The following CRPPA variants were observed in gnomAD, a reference collection of about 807,000 sequenced individuals.
CRPPA encodes D-ribitol-5-phosphate cytidylyltransferase.
Under a neutral mutation model 52.0 loss-of-function variants are expected in CRPPA, and 43 were observed. The observed-to-expected ratio is 0.83, with a 90% confidence interval of 0.65 to 1.07. The LOEUF is 1.07. Ranked by LOEUF, CRPPA falls within the 50% of genes least tolerant of loss-of-function variation. The pLI, the probability that CRPPA is intolerant of heterozygous loss-of-function variation, is 0.00. For missense variants in CRPPA, 629 were observed against 551.7 expected (o/e 1.14, Z -1.40); for synonymous variants, 250 against 203.5 (o/e 1.23, Z -1.94).
chr7:16,103,813 C>A (rs912531217), intron 9 of CRPPA, among the ~76,000 whole-genome samples: 1 of 152,076 alleles, frequency 6.6e-6, no homozygotes, highest in Non-Finnish European at 1.5e-5. Flanking sequence ...AAAGCTTATC[C>A]TAGAGTTACT....
At chr7:16,389,922 A>ATATATATATATATATATAT (rs1163713598) in intron 2 of CRPPA, among the ~76,000 whole-genome samples, 4 of 62,262 alleles carry the variant, frequency 6.4e-5, no homozygotes, top group Non-Finnish European at 1.2e-4. Context: ...ACAAAAAAAA[A>ATATATATATATATATATAT]AAAAAAATAT....
At chr7:16,339,951 AC>A (rs1389197836) in intron 3 of CRPPA, among the ~76,000 whole-genome samples, 3 of 152,100 alleles carry the variant, frequency 2.0e-5, no homozygotes, top group Admixed American at 2.0e-4. Context: ...CCAGAAATAG[AC>A]CCATATGAAT....
At chr7:16,138,657 T>C (rs968407207) in intron 9 of CRPPA, among the ~76,000 whole-genome samples, 3 of 152,220 alleles carry the variant, frequency 2.0e-5, no homozygotes, top group Admixed American at 1.3e-4. Context: ...TAAAAATGTC[T>C]ACATCTTATA....
Position 16,222,034 on chromosome 7 carries a change from T to A in CRPPA, c.1120-5837A>T, listed in dbSNP as rs1323477520. 7.4e-5 allele frequency among the ~76,000 whole-genome samples: 11 copies of A among 149,374 alleles called. No homozygotes were observed. In the South Asian group the frequency reaches 2.2e-3, roughly 30 times the overall value. On this transcript the variant is annotated intron_variant, in intron 8 of 9. Transcript: ENST00000407010. Reference sequence around the variant, plus strand: ...TGGCATTATTCACAATAGCAAAGACTTGGAACCAACCCAAATGTCCAACAA... The same window carrying A: ...TGGCATTATTCACAATAGCAAAGACATGGAACCAACCCAAATGTCCAACAA...
chr7:16,200,120 A>G (rs1359849102), intron 9 of CRPPA, among the ~76,000 whole-genome samples: 3 of 152,132 alleles, frequency 2.0e-5, no homozygotes, highest in Non-Finnish European at 4.4e-5. Context: ...GGCCTCCCAA[A>G]GTGCTGGAAT....
chr7:16,189,744 T>A (rs1781570782), intron 9 of CRPPA, among the ~76,000 whole-genome samples: 1 of 152,158 alleles, frequency 6.6e-6, no homozygotes, highest in African/African-American at 2.4e-5. Context: ...AGTTAGAGAC[T>A]AGCAGTAATC....
intron 9 of CRPPA, among the ~76,000 whole-genome samples, chr7:16,170,139 T>A (rs1781148823): frequency 1.3e-5 from 2 of 152,168 alleles, no homozygotes; most frequent in South Asian, 2.1e-4. Flanking sequence ...AGGATGTGAT[T>A]TTTTTTAATT....
At chr7:16,367,647 C>A (rs113839863) in intron 3 of CRPPA, among the ~76,000 whole-genome samples, 1 of 152,036 alleles carries the variant, frequency 6.6e-6, no homozygotes. Context: ...GTTGACAGTA[C>A]GAGATACAAG....
At chr7:16,141,250 C>T (rs1782864196) in intron 9 of CRPPA, among the ~76,000 whole-genome samples, 1 of 152,078 alleles carries the variant, frequency 6.6e-6, no homozygotes, top group African/African-American at 2.4e-5. Context: ...CTTCCTAAAT[C>T]CTTTATAGGA....
chr7:16,258,826 C>A, intron 7 of CRPPA, 94 bp downstream of exon 7: 1 of 714,616 alleles, frequency 1.4e-6, no homozygotes, highest in Non-Finnish European at 2.2e-6. Context: ...AAGAACTCAT[C>A]ATAATATCAT....
intron 9 of CRPPA, among the ~76,000 whole-genome samples, chr7:16,165,043 C>T (rs541536577): frequency 6.6e-6 from 1 of 152,178 alleles, no homozygotes; most frequent in Non-Finnish European, 1.5e-5. Flanking sequence ...GGGAGATCCG[C>T]TGCTACCTTC....
chr7:16,374,779 C>T (rs376684140), intron 3 of CRPPA, among the ~76,000 whole-genome samples: 17 of 152,094 alleles, frequency 1.1e-4, no homozygotes, highest in Admixed American at 5.2e-4. Context: ...GTGGAATCAC[C>T]CCCATCAGCA....
At chr7:16,251,372 T>C (rs1051580981) in intron 8 of CRPPA, among the ~76,000 whole-genome samples, 1 of 151,896 alleles carries the variant, frequency 6.6e-6, no homozygotes, top group African/African-American at 2.4e-5. Flanking sequence ...CTGATACAAA[T>C]GGACCTAATA....
chr7:16,418,279 A>G (rs115819635), intron 1 of CRPPA, among the ~76,000 whole-genome samples: 202 of 152,358 alleles, frequency 1.3e-3, no homozygotes, highest in African/African-American at 4.7e-3. Context: ...TGAGCCATGA[A>G]GTATTTCAGA....
At chr7:16,352,608 T>C (rs144766971) in intron 3 of CRPPA, among the ~76,000 whole-genome samples, 143 of 152,198 alleles carry the variant, frequency 9.4e-4, no homozygotes, top group Middle Eastern at 3.4e-3. Flanking sequence ...TAAGAAGTAT[T>C]GGTGAGGATG....
chr7:16,366,756 T>A lies in CRPPA; in HGVS notation c.684+9336A>T, dbSNP rs532283316. 2.1e-3 allele frequency among the ~76,000 whole-genome samples: 301 copies of A among 143,860 alleles called. 2 individuals are homozygous for A. Among genetic ancestry groups the A allele is most frequent in the African/African-American group, 7.1e-3 (277 of 38,750 alleles). The allele number at this position is 143,860 out of a possible 152,430, so 94.4% of individuals were successfully genotyped here. On this transcript the variant is annotated intron_variant, in intron 3 of 9. Coordinates refer to ENST00000407010, the MANE Select transcript of CRPPA (RefSeq NM_001101426.4). ...TATATGAACCTACCTAGTAGAATAATTGAGAGAATTAAAAAAAAAAAGGCA... is the reference window on the plus strand; with the variant it reads ...TATATGAACCTACCTAGTAGAATAAATGAGAGAATTAAAAAAAAAAAGGCA...
In CRPPA at chr7:16,385,922, G is replaced by A. The variant is rs79085843; in HGVS notation, c.535-9681C>T. Reference sequence around the variant, plus strand: ...TTTTGGGCTCCAGCCGCACAGTAGCGTCTAGGGGTGGGTACCCATGACTCC... The same window carrying A: ...TTTTGGGCTCCAGCCGCACAGTAGCATCTAGGGGTGGGTACCCATGACTCC... On this transcript the variant is annotated intron_variant, in intron 2 of 9. Transcript: ENST00000407010. Among the ~76,000 whole-genome samples the A allele has an allele frequency of 1.9e-3, 283 of 152,236 alleles. 1 individual carries two copies. The highest frequency in any genetic ancestry group is 6.6e-3 in the African/African-American group (274 of 41,546).
chr7:16,151,403 T>C (rs758403451), intron 9 of CRPPA, among the ~76,000 whole-genome samples: 3 of 152,018 alleles, frequency 2.0e-5, no homozygotes, highest in Non-Finnish European at 4.4e-5. Context: ...GAAATGTAGG[T>C]TGTGATGATT....
At chr7:16,243,260 T>C (rs187763689) in intron 8 of CRPPA, among the ~76,000 whole-genome samples, 162 of 152,292 alleles carry the variant, frequency 1.1e-3, no homozygotes, top group African/African-American at 3.6e-3. Context: ...TCCACCATGA[T>C]TGTAAGTTTC....
Sources: gnomAD v4.1 joint callset for allele counts (sites outside exome capture counted in the v4.1 genomes callset) on GRCh38, gnomAD v4.1.1 for gene constraint, MANE v1.5 for transcripts, NCBI Gene and HGNC (gene_info 2026-07-23, HGNC 2026-07-21) for gene names.